PRIM2: variants seen among roughly 807,000 people sequenced by gnomAD.
PRIM2 encodes DNA primase large subunit.
Under a neutral mutation model 67.3 loss-of-function variants are expected in PRIM2, and 39 were observed. The ratio of observed to expected loss-of-function variants is 0.58; its 90% confidence interval spans 0.45 to 0.76. PRIM2 has a LOEUF of 0.76. Ranked by LOEUF, PRIM2 falls within the 30% of genes least tolerant of loss-of-function variation. PRIM2 has a pLI of 0.00. For missense variants in PRIM2, 398 were observed against 598.7 expected, an observed-to-expected ratio of 0.66 and a Z score of 3.50; for synonymous variants, 143 against 198.7, an observed-to-expected ratio of 0.72 and a Z score of 2.36.
At chr6:57,355,804 T>A (rs7754494) in intron 5 of PRIM2, among the ~76,000 whole-genome samples, 1 of 152,046 alleles carries the variant, frequency 6.6e-6, no homozygotes, top group African/African-American at 2.4e-5. Context: ...GTGTGGCTAA[T>A]TTTTGTACTT....
At chr6:57,545,938 G>A (rs1274944067) in intron 10 of PRIM2, among the ~76,000 whole-genome samples, 1 of 152,160 alleles carries the variant, frequency 6.6e-6, no homozygotes, top group African/African-American at 2.4e-5. Context: ...TGGAGACATA[G>A]ATCTTTTAGC....
the PRIM2 span, among the ~76,000 whole-genome samples, chr6:57,243,936 T>G: frequency 6.6e-6 from 1 of 152,328 alleles, no homozygotes; most frequent in Admixed American, 6.5e-5. Flanking sequence ...CCTGTTAAAG[T>G]ATACCCCTGG....
At chr6:57,610,603 T>A (rs2127494127) in intron 12 of PRIM2, among the ~76,000 whole-genome samples, 1 of 152,030 alleles carries the variant, frequency 6.6e-6, no homozygotes, top group Non-Finnish European at 1.5e-5. Context: ...TACCCCTGCA[T>A]TTATTCTCCT....
At chr6:57,583,466 G>A (rs1218004110) in intron 10 of PRIM2, among the ~76,000 whole-genome samples, 1 of 148,814 alleles carries the variant, frequency 6.7e-6, no homozygotes, top group Non-Finnish European at 1.5e-5. Flanking sequence ...GAGAATGATG[G>A]TTTCCAATTT....
intron 2 of PRIM2, among the ~76,000 whole-genome samples, chr6:57,319,995 G>A (rs1487292554): frequency 6.6e-6 from 1 of 152,222 alleles, no homozygotes; most frequent in African/African-American, 2.4e-5. Context: ...TCATTTGGCT[G>A]TTTGGATGGC....
the PRIM2 span, among the ~76,000 whole-genome samples, chr6:57,294,998 G>A: frequency 6.6e-6 from 1 of 152,034 alleles, no homozygotes; most frequent in African/African-American, 2.4e-5. Flanking sequence ...TAGCAGAGAA[G>A]GGGTTTCATC....
At chr6:57,255,477 A>G in the PRIM2 span, among the ~76,000 whole-genome samples, 4 of 150,000 alleles carry the variant, frequency 2.7e-5, no homozygotes, top group Admixed American at 1.3e-4. Context: ...CAGCCTGGGC[A>G]ACAGAGCAGG....
At chr6:57,603,137 C>CA (rs1235989393) in intron 11 of PRIM2, among the ~76,000 whole-genome samples, 90 of 152,258 alleles carry the variant, frequency 5.9e-4, no homozygotes, top group African/African-American at 1.7e-3. Flanking sequence ...TCTCTTTTTT[C>CA]ACCTTTTGGG....
At chr6:57,532,316 T>C in intron 8 of PRIM2, 95 bp from the exon 9 acceptor site, 1 of 491,432 alleles carries the variant, frequency 2.0e-6, no homozygotes, top group Non-Finnish European at 3.4e-6. Flanking sequence ...AATGCTTTCT[T>C]ATTTTAATCA....
At chr6:57,556,875 G>A (rs1223185229) in intron 10 of PRIM2, among the ~76,000 whole-genome samples, 1 of 150,996 alleles carries the variant, frequency 6.6e-6, no homozygotes, top group Non-Finnish European at 1.5e-5. Flanking sequence ...TGCCAACTGT[G>A]CATCTGACAA....
the PRIM2 span, among the ~76,000 whole-genome samples, chr6:57,262,349 G>A: frequency 6.6e-6 from 1 of 151,980 alleles, no homozygotes; most frequent in South Asian, 2.1e-4. Flanking sequence ...GATTATTTAT[G>A]GCGTAAATCC....
At chr6:57,524,276 C>T (rs1774693919) in intron 8 of PRIM2, among the ~76,000 whole-genome samples, 1 of 152,116 alleles carries the variant, frequency 6.6e-6, no homozygotes, top group Admixed American at 6.6e-5. Flanking sequence ...TGATTTTAAG[C>T]TATATTGGAA....
At chr6:57,265,899 G>A in the PRIM2 span, among the ~76,000 whole-genome samples, 5 of 152,092 alleles carry the variant, frequency 3.3e-5, no homozygotes, top group Admixed American at 1.3e-4. Context: ...ATTCTTTAAT[G>A]TACTGTCAAA....
intron 13 of PRIM2, 31 bp downstream of exon 13, chr6:57,632,232 T>A: frequency 1.6e-6 from 2 of 1,278,078 alleles, no homozygotes; most frequent in East Asian, 5.4e-5. Context: ...TATATCCTAA[T>A]TATTTGTCTT....
chr6:57,581,552 A>T (rs1439240022), intron 10 of PRIM2, among the ~76,000 whole-genome samples: 5 of 152,208 alleles, frequency 3.3e-5, no homozygotes, highest in Admixed American at 3.3e-4. Context: ...AAGTTTTATC[A>T]TTAATATATC....
At chr6:57,360,934 G>A (rs567387782) in intron 5 of PRIM2, among the ~76,000 whole-genome samples, 2 of 152,274 alleles carry the variant, frequency 1.3e-5, no homozygotes, top group East Asian at 1.9e-4. Context: ...AATGAACTGA[G>A]TGTTTTCTCT....
chr6:57,396,101 A>G (rs1207967541), intron 7 of PRIM2, among the ~76,000 whole-genome samples: 4 of 152,192 alleles, frequency 2.6e-5, no homozygotes, highest in Non-Finnish European at 2.9e-5. Flanking sequence ...AGAAGGTTCT[A>G]TGTGCTATTG....
chr6:57,373,765 G>A (rs1445349704), intron 5 of PRIM2, among the ~76,000 whole-genome samples: 2 of 152,118 alleles, frequency 1.3e-5, no homozygotes, highest in Non-Finnish European at 2.9e-5. Flanking sequence ...TAGGCATGCA[G>A]TCTTACTTCT....
intron 10 of PRIM2, among the ~76,000 whole-genome samples, chr6:57,585,516 G>T (rs1439837989): frequency 2.1e-3 from 319 of 152,308 alleles, no homozygotes; most frequent in African/African-American, 7.3e-3. Flanking sequence ...AACTTAAGGA[G>T]TGGGGAGATT....
Sources: gnomAD v4.1 joint callset for allele counts (sites outside exome capture counted in the v4.1 genomes callset) on GRCh38, gnomAD v4.1.1 for gene constraint, MANE v1.5 for transcripts, NCBI Gene and HGNC (gene_info 2026-07-23, HGNC 2026-07-21) for gene names.